ASMTL: variants seen among roughly 807,000 people sequenced by gnomAD.
ASMTL encodes the protein acetylserotonin O-methyltransferase like.
Under a neutral mutation model 60.3 loss-of-function variants are expected in ASMTL, and 57 were observed. The ratio of observed to expected loss-of-function variants is 0.95; its 90% CI spans 0.76 to 1.18. ASMTL has a LOEUF of 1.18. Among genes scored for constraint, ASMTL ranks in the 50% most tolerant of loss-of-function variants. The probability of loss-of-function intolerance (pLI) is 0.00; values close to 1 mark genes in which losing one functional copy is unlikely to be tolerated. For synonymous variants in ASMTL, 419 were observed against 373.0 expected, an observed-to-expected ratio of 1.12 and a Z score of -1.42; for missense variants, 981 against 852.6, an observed-to-expected ratio of 1.15 and a Z score of -1.88.
chrX:1,434,165 G>T (rs1449977956), intron 5 of ASMTL, among the ~76,000 whole-genome samples: 1 of 152,104 alleles, frequency 6.6e-6, no homozygotes, highest in African/African-American at 2.4e-5. Context: ...CAGCAATATG[G>T]TGATACAACT....
intron 1 of ASMTL, among the ~76,000 whole-genome samples, chrX:1,446,007 C>T (rs778855534): frequency 5.9e-5 from 9 of 152,264 alleles, no homozygotes; most frequent in East Asian, 3.9e-4. Context: ...CGCAGTTATC[C>T]GGAGGCCTAA....
chrX:1,453,233 C>A (rs1410331039), upstream of ASMTL, among the ~76,000 whole-genome samples: 4 of 150,392 alleles, frequency 2.7e-5, no homozygotes, highest in Non-Finnish European at 5.9e-5. Context: ...CGCCATTGAC[C>A]GCTCCGCCAG....
intron 1 of ASMTL, 75 bp from the exon 2 acceptor site, chrX:1,442,392 C>T: frequency 3.2e-6 from 5 of 1,552,888 alleles, no homozygotes; most frequent in Non-Finnish European, 4.4e-6. Context: ...GCAAGATTTG[C>T]AGGACGCACA....
At position 1,438,776 on chromosome X, in the gene ASMTL, GCCA is replaced by G. The variant is rs1458998743; in HGVS notation, c.273+318_273+320del. ...GTATCACTTATGATACTATCAATTA[GCCA>G]CCACGTCTGGCTAATTTTTGTATTT... On this transcript the variant is annotated intron_variant, in intron 3 of 12. Coordinates refer to ENST00000381317, the MANE Select transcript of ASMTL (RefSeq NM_004192.4). 2.0e-5 allele frequency among the ~76,000 whole-genome samples: 3 copies of G among 152,246 alleles called. No individual in the cohort carries two copies. In the East Asian group the frequency reaches 5.8e-4, roughly 29 times the overall value.
At position 1,452,742 on chromosome X, in the gene ASMTL, C is replaced by T; in HGVS notation, c.93+6G>A. 6.3e-7 allele frequency: 1 copy of T among 1,586,662 alleles called. No homozygotes were observed. The stretch of plus-strand genomic sequence containing the variant: ...GTCCCCTGCCCCGCCCAGGCCCAGG[C>T]CGTACCGCGTTGCTGAGGATCTCCT... On this transcript the variant is annotated splice_donor_region_variant and intron_variant, in intron 1 of 12. Coordinates refer to ENST00000381317, the MANE Select transcript of ASMTL (RefSeq NM_004192.4).
At chrX:1,451,859 C>G (rs759494320) in intron 1 of ASMTL, among the ~76,000 whole-genome samples, 1 of 139,958 alleles carries the variant, frequency 7.1e-6, no homozygotes, top group African/African-American at 2.7e-5. Flanking sequence ...CATGGGGCTC[C>G]GGGGTCACTC....
At chrX:1,425,996 G>T (rs1389289243) in intron 7 of ASMTL, among the ~76,000 whole-genome samples, 7 of 152,148 alleles carry the variant, frequency 4.6e-5, no homozygotes, top group Non-Finnish European at 1.0e-4. Flanking sequence ...AGTCCCTCAG[G>T]ATGTGACTGT....
chrX:1,435,059 C>T lies in ASMTL; in HGVS notation c.363G>A (p.Val121=). 3 of 1,613,976 alleles carry T rather than the reference C, an allele frequency of 1.9e-6. No individual in the cohort carries two copies. Among genetic ancestry groups the T allele is most frequent in the Non-Finnish European group, 2.5e-6 (3 of 1,179,870 alleles). The change falls in exon 5 of 13, where the codon GTG becomes GTA. Residue 121 remains valine (V), a synonymous_variant. Coordinates refer to ENST00000381317, the MANE Select transcript of ASMTL (RefSeq NM_004192.4). ...LSRLSGREHS[V]FTGVAIVHCS... ...AGTGGACGATCGCGACACCTGTGAA[C>T]ACGCTGTGTTCTCTCCCACTCAACC...
At chrX:1,421,543 T>C in intron 9 of ASMTL, 115 bp downstream of exon 9, 1 of 1,176,296 alleles carries the variant, frequency 8.5e-7, no homozygotes, top group Non-Finnish European at 1.2e-6. Context: ...AGCCAAGCCT[T>C]TGGGATCTGT....
intron 8 of ASMTL, among the ~76,000 whole-genome samples, chrX:1,424,452 C>G (rs1210126807): frequency 6.6e-6 from 1 of 150,446 alleles, no homozygotes; most frequent in African/African-American, 2.4e-5. Context: ...ACCCATCCAT[C>G]CACTCATCCA....
chrX:1,412,873 G>T lies in ASMTL; in HGVS notation c.1523-19C>A, dbSNP rs776409260. On this transcript the variant is annotated intron_variant, in intron 11 of 12. Coordinates refer to ENST00000381317, the MANE Select transcript of ASMTL (RefSeq NM_004192.4). ...AAGTCACCTGGTTTAAAGACAAAAC[G>T]AGATACGTCCGTCAGGTATGGAAGA... 1 of 1,613,626 alleles carries T rather than the reference G, an allele frequency of 6.2e-7. No homozygotes were observed. Among genetic ancestry groups the T allele is most frequent in the African/African-American group, 1.3e-5 (1 of 74,874 alleles).
intron 11 of ASMTL, among the ~76,000 whole-genome samples, chrX:1,415,167 C>T (rs1451779605): frequency 2.0e-5 from 3 of 152,148 alleles, no homozygotes; most frequent in African/African-American, 7.2e-5. Context: ...TCTCAAACTC[C>T]TGACCTCAGG....
upstream of ASMTL, chrX:1,452,994 C>T (rs1358729240): frequency 1.7e-6 from 1 of 580,950 alleles, no homozygotes; most frequent in African/African-American, 2.1e-5. Context: ...TCCGCGCCTT[C>T]AGTGGCCTCC....
rs138641307 is a variant in ASMTL, at chrX:1,410,702, G to A, written c.1645+2030C>T. Among the ~76,000 whole-genome samples, 410 of 150,908 alleles carry A rather than the reference G, an allele frequency of 2.7e-3. 2 individuals carry two copies. The highest frequency in any genetic ancestry group is 8.4e-3 in the African/African-American group (346 of 41,158). ...GCTGGGATTACAGGTGTGAGCCACCGTGCCCGGTCTCAGAAAAAACTTCTT... is the reference window on the plus strand; with the variant it reads ...GCTGGGATTACAGGTGTGAGCCACCATGCCCGGTCTCAGAAAAAACTTCTT... On this transcript the variant is annotated intron_variant, in intron 12 of 12. Coordinates refer to ENST00000381317, the MANE Select transcript of ASMTL (RefSeq NM_004192.4).
chrX:1,412,033 TCTCA>T (rs1182747146), intron 12 of ASMTL, among the ~76,000 whole-genome samples: 8 of 151,692 alleles, frequency 5.3e-5, no homozygotes, highest in Admixed American at 2.6e-4. Flanking sequence ...GCCAGGCTGG[TCTCA>T]AACCCCCGAC....
chrX:1,412,296 C>T (rs1393793951), intron 12 of ASMTL, among the ~76,000 whole-genome samples: 4 of 152,100 alleles, frequency 2.6e-5, no homozygotes, highest in African/African-American at 4.8e-5. Flanking sequence ...GGCGCGATCT[C>T]GGCTCACTGC....
chrX:1,412,918 A>AT (rs1275717051), intron 11 of ASMTL, 64 bp from the exon 12 acceptor site: 1 of 1,588,470 alleles, frequency 6.3e-7, no homozygotes, highest in Non-Finnish European at 8.6e-7. Context: ...CCCCGGACAG[A>AT]TCCTGGGACG....
At chrX:1,417,558 C>A (rs1423033673) in intron 11 of ASMTL, among the ~76,000 whole-genome samples, 1 of 91,166 alleles carries the variant, frequency 1.1e-5, no homozygotes, top group Admixed American at 1.2e-4. Flanking sequence ...CACACAAGCA[C>A]GACAGTCATA....
At chrX:1,421,984 T>C (rs1374665265) in intron 8 of ASMTL, 142 bp from the exon 9 acceptor site, 6 of 749,188 alleles carry the variant, frequency 8.0e-6, no homozygotes, top group Non-Finnish European at 1.4e-5. Context: ...AACCTGACCA[T>C]AGGGGATGCA....
Sources: allele counts gnomAD v4.1 joint callset (sites outside exome capture counted in the v4.1 genomes callset), GRCh38; gene constraint gnomAD v4.1.1; transcripts MANE v1.5; gene names NCBI Gene and HGNC (gene_info 2026-07-23, HGNC 2026-07-21).